Variants in EPC2 observed in about 807,000 individuals in gnomAD.
EPC2 encodes enhancer of polycomb 2, also known as enhancer of polycomb homolog 2.
In EPC2, 14 loss-of-function variants were observed where a neutral mutation model predicts 92.1. The observed-to-expected ratio is 0.15, with a 90% confidence interval of 0.10 to 0.24. EPC2 has a LOEUF of 0.24. Among genes scored for constraint, EPC2 ranks in the 10% least tolerant of loss-of-function variants. The pLI, the probability that EPC2 is intolerant of heterozygous loss-of-function variation, is 1.00. For synonymous variants in EPC2, 340 were observed against 334.7 expected, an observed-to-expected ratio of 1.02 and a Z score of -0.17; for missense variants, 755 against 971.5, an observed-to-expected ratio of 0.78 and a Z score of 2.96.
intron 2 of EPC2, among the ~76,000 whole-genome samples, chr2:148,726,083 T>C (rs1411560108): frequency 6.6e-6 from 1 of 152,202 alleles, no homozygotes; most frequent in African/African-American, 2.4e-5. Flanking sequence ...GACTGGCTTA[T>C]TTCATTTAGC....
At chr2:148,784,015 C>T (rs1683810287) in intron 12 of EPC2, among the ~76,000 whole-genome samples, 1 of 152,190 alleles carries the variant, frequency 6.6e-6, no homozygotes, top group African/African-American at 2.4e-5. Flanking sequence ...CACATACTGT[C>T]AGTTGCCTCA....
chr2:148,707,036 TA>T (rs1290158115), intron 2 of EPC2, among the ~76,000 whole-genome samples: 10 of 152,118 alleles, frequency 6.6e-5, no homozygotes, highest in Non-Finnish European at 1.3e-4. Context: ...ATGCCCCAAT[TA>T]AAAGACACAG....
Position 148,713,007 on chromosome 2 carries a change from A to G in EPC2, c.313+22634A>G, listed in dbSNP as rs79768554. On this transcript the variant is annotated intron_variant, in intron 2 of 13. Coordinates refer to ENST00000258484, the MANE Select transcript of EPC2 (RefSeq NM_015630.4). ...CAGGAGTTTGAGACCAGCCTGGGCA[A>G]CATAGACCCTGTCTCAATAAATAAA... 9.2e-5 allele frequency among the ~76,000 whole-genome samples: 14 copies of G among 152,370 alleles called. No individual in the cohort carries two copies. The East Asian group carries it at 2.1e-3, about 23-fold the overall frequency.
chr2:148,652,781 A>C (rs953370859), intron 1 of EPC2, among the ~76,000 whole-genome samples: 1 of 152,186 alleles, frequency 6.6e-6, no homozygotes, highest in Non-Finnish European at 1.5e-5. Flanking sequence ...ATGAGGATCG[A>C]TTATATTCGT....
At chr2:148,665,703 C>T (rs1281529709) in intron 1 of EPC2, among the ~76,000 whole-genome samples, 1 of 152,208 alleles carries the variant, frequency 6.6e-6, no homozygotes, top group East Asian at 1.9e-4. Context: ...TTTAGGATAT[C>T]AGTTACTCAG....
rs140593629 is a variant in EPC2 at position 148,736,578 on chromosome 2, T to C, written c.314-7044T>C. Among the ~76,000 whole-genome samples the C allele has an allele frequency of 1.6e-3, 242 of 152,278 alleles. 1 individual carries two copies. The highest frequency in any genetic ancestry group is 5.5e-3 in the African/African-American group (230 of 41,552). ...ATTAGTAGGCCTGACCTATGAAATA[T>C]GCACTTAAAAAATTTTGAGATAAAA... On this transcript the variant is annotated intron_variant, in intron 2 of 13. Coordinates refer to ENST00000258484, the MANE Select transcript of EPC2 (RefSeq NM_015630.4).
intron 2 of EPC2, among the ~76,000 whole-genome samples, chr2:148,709,179 C>T (rs969855978): frequency 6.6e-6 from 1 of 152,168 alleles, no homozygotes; most frequent in African/African-American, 2.4e-5. Flanking sequence ...GCAAAAATCA[C>T]AAGCATTCTT....
intron 1 of EPC2, among the ~76,000 whole-genome samples, chr2:148,661,403 C>A (rs4972288): frequency 0.18 from 27,851 of 151,952 alleles, 3,281 homozygotes; most frequent in East Asian, 0.49. Context: ...AATTGTTTGT[C>A]CTAGTTTTCT....
At chr2:148,750,911 A>ACCCTGAACACAGTATAGGCAGT (rs1277548161) in intron 3 of EPC2, among the ~76,000 whole-genome samples, 1 of 152,134 alleles carries the variant, frequency 6.6e-6, no homozygotes, top group Non-Finnish European at 1.5e-5. Context: ...TCACTTATCA[A>ACCCTGAACACAGTATAGGCAGT]CCCTGAACAC....
intron 1 of EPC2, among the ~76,000 whole-genome samples, chr2:148,688,964 A>G (rs1173064793): frequency 1.3e-5 from 2 of 152,158 alleles, no homozygotes; most frequent in Non-Finnish European, 2.9e-5. Flanking sequence ...GGAAAGTAAA[A>G]CAGGGAAGGA....
At chr2:148,705,920 C>G (rs1014240412) in intron 2 of EPC2, among the ~76,000 whole-genome samples, 9 of 152,170 alleles carry the variant, frequency 5.9e-5, no homozygotes, top group Non-Finnish European at 1.0e-4. Context: ...GCTGAAAATT[C>G]TAAAAACCAG....
At chr2:148,785,990 A>G (rs951455065) in intron 13 of EPC2, among the ~76,000 whole-genome samples, 2 of 152,158 alleles carry the variant, frequency 1.3e-5, no homozygotes, top group Admixed American at 6.5e-5. Context: ...CTCGAGAAAA[A>G]AAAAAGAAAA....
Position 148,775,720 on chromosome 2 carries a change from ATTAAATATCT to A in EPC2, c.1720+4352_1720+4361del, listed in dbSNP as rs965321257. Among the ~76,000 whole-genome samples, 4 of 147,844 alleles carry A rather than the reference ATTAAATATCT, an allele frequency of 2.7e-5. 1 individual carries two copies. The highest frequency in any genetic ancestry group is 9.8e-5 in the African/African-American group (4 of 40,906). On this transcript the variant is annotated intron_variant, in intron 10 of 13. Coordinates refer to ENST00000258484, the MANE Select transcript of EPC2 (RefSeq NM_015630.4). ...ATTAAATATCTTTATTAAATAAAAA[ATTAAATATCT>A]TTAAATATCTTTAAATATTTAAAGA... is the stretch of plus-strand genomic sequence containing the variant.
chr2:148,774,624 T>TATTATATATATATATATATA (rs935978031), intron 10 of EPC2, among the ~76,000 whole-genome samples: 7,574 of 131,684 alleles, frequency 0.058, 421 homozygotes, highest in East Asian at 0.17. Flanking sequence ...AAAATATATT[T>TATTATATATATATATATATA]TATATATATA....
At chr2:148,737,612 T>G (rs544698693) in intron 2 of EPC2, among the ~76,000 whole-genome samples, 2 of 152,250 alleles carry the variant, frequency 1.3e-5, no homozygotes, top group African/African-American at 2.4e-5. Flanking sequence ...AAGCAACGTT[T>G]GTAGGTCAAA....
At chr2:148,682,114 T>A (rs139290344) in intron 1 of EPC2, among the ~76,000 whole-genome samples, 3 of 152,354 alleles carry the variant, frequency 2.0e-5, no homozygotes, top group African/African-American at 7.2e-5. Flanking sequence ...CTTAATCCAG[T>A]CTGTCATTCA....
intron 2 of EPC2, among the ~76,000 whole-genome samples, chr2:148,735,433 C>T (rs1318278307): frequency 6.6e-6 from 1 of 151,858 alleles, no homozygotes; most frequent in Non-Finnish European, 1.5e-5. Context: ...TTACCTTTTC[C>T]TATCTTTGGG....
At chr2:148,690,073 CTG>C in intron 1 of EPC2, 139 bp from the exon 2 acceptor site, 2 of 718,022 alleles carry the variant, frequency 2.8e-6, no homozygotes, top group Non-Finnish European at 2.2e-6. Flanking sequence ...GACAATGTAA[CTG>C]TAGGTCTTTG....
intron 1 of EPC2, among the ~76,000 whole-genome samples, chr2:148,646,064 C>T (rs1208546592): frequency 6.6e-6 from 1 of 152,196 alleles, no homozygotes; most frequent in Non-Finnish European, 1.5e-5. Context: ...TTTCATCTGG[C>T]TTGACAGAGA....
Sources: allele counts gnomAD v4.1 joint callset (sites outside exome capture counted in the v4.1 genomes callset), GRCh38; gene constraint gnomAD v4.1.1; transcripts MANE v1.5; gene names NCBI Gene and HGNC (gene_info 2026-07-23, HGNC 2026-07-21).